BPHL: variants seen among roughly 807,000 people sequenced by gnomAD.
The protein encoded by BPHL is serine hydrolase BPHL.
In BPHL, 27 loss-of-function variants were observed where a neutral mutation model predicts 31.2. The ratio of observed to expected loss-of-function variants is 0.87; its 90% CI spans 0.64 to 1.19. The LOEUF is 1.19. Ranked by LOEUF, BPHL falls within the 50% of genes most tolerant of loss-of-function variation. The pLI, the probability that BPHL is intolerant of heterozygous loss-of-function variation, is 0.00. For synonymous variants in BPHL, 150 were observed against 146.8 expected (o/e 1.02, Z -0.16); for missense variants, 356 against 375.7 (o/e 0.95, Z 0.43).
intron 2 of BPHL, among the ~76,000 whole-genome samples, chr6:3,124,537 A>G (rs1354039901): frequency 6.6e-6 from 1 of 152,130 alleles, no homozygotes; most frequent in African/African-American, 2.4e-5. Context: ...AAATAGCTCA[A>G]TGTTTGCATG....
Position 3,118,747 on chromosome 6 carries a change from G to A in BPHL, c.7G>A (p.Ala3Thr). The change falls in exon 1 of 7, where the codon GCT becomes ACT. Residue 3 changes from alanine (A) to threonine (T), a missense_variant. Physicochemically the swap from Ala to Thr is moderately conservative, Grantham distance 58. Transcript: ENST00000380379. MV[A>T]VLGGRGVLRL... Reference sequence around the variant, plus strand: ...AGCTACGCGACCTGTGACCATGGTGGCTGTGCTGGGCGGCCGGGGCGTGTT... The same window carrying A: ...AGCTACGCGACCTGTGACCATGGTGACTGTGCTGGGCGGCCGGGGCGTGTT... 1 of 1,260,274 alleles carries A rather than the reference G, an allele frequency of 7.9e-7. No homozygotes were observed. Among genetic ancestry groups the A allele is most frequent in the Non-Finnish European group, 1.0e-6 (1 of 998,678 alleles). 78.1% of individuals were successfully genotyped at this position (1,260,274 alleles called of 1,614,324 possible).
At chr6:3,130,849 A>T (rs1197361845) in intron 4 of BPHL, among the ~76,000 whole-genome samples, 1 of 152,156 alleles carries the variant, frequency 6.6e-6, no homozygotes, top group Non-Finnish European at 1.5e-5. Flanking sequence ...TGTTTTTTAA[A>T]TGAATATGAA....
chr6:3,141,889 G>T (rs997060952), intron 6 of BPHL, among the ~76,000 whole-genome samples: 1 of 151,840 alleles, frequency 6.6e-6, no homozygotes, highest in South Asian at 2.1e-4. Flanking sequence ...CAGGAGAATC[G>T]CTTGAACCTG....
intron 4 of BPHL, among the ~76,000 whole-genome samples, chr6:3,129,638 C>T (rs1761814225): frequency 6.6e-6 from 1 of 152,094 alleles, no homozygotes; most frequent in Non-Finnish European, 1.5e-5. Context: ...TGTGCCACTG[C>T]ACTTTTGCCT....
Position 3,153,149 on chromosome 6 carries a change from C to T in BPHL, c.*574C>T, listed in dbSNP as rs3088000. 0.084 allele frequency: 12,873 copies of T among 152,428 alleles called. 788 individuals carry two copies. Among genetic ancestry groups the T allele is most frequent in the African/African-American group, 0.17 (6,885 of 41,500 alleles). 9.4% of individuals were successfully genotyped at this position (152,428 alleles called of 1,614,324 possible). ...GTGACAAGTTATACCATTGTCTTAA[C>T]AGGTGAATTCCTGCCATAATTTATT... On this transcript the variant is annotated 3_prime_UTR_variant, in exon 7 of 7. Coordinates refer to ENST00000380379, the MANE Select transcript of BPHL (RefSeq NM_004332.4).
Position 3,140,257 on chromosome 6 carries a change from TC to T in BPHL, c.665-127del, listed in dbSNP as rs1762134699. 8.0e-7 allele frequency: 1 copy of T among 1,244,216 alleles called. No homozygotes were observed. Among genetic ancestry groups the T allele is most frequent in the East Asian group, 2.5e-5 (1 of 40,204 alleles). 77.1% of individuals were successfully genotyped at this position (1,244,216 alleles called of 1,614,324 possible). Reference sequence around the variant, plus strand: ...GGAAGGAATCCCAGGCACGGTCAAATCCAAAACACAGTTTTTACGGATAGGG... The same window carrying T: ...GGAAGGAATCCCAGGCACGGTCAAATCAAAACACAGTTTTTACGGATAGGG... On this transcript the variant is annotated intron_variant, in intron 5 of 6. Coordinates refer to ENST00000380379, the MANE Select transcript of BPHL (RefSeq NM_004332.4). This position sits in a 1 kb window ranked among gnomAD's most constrained non-coding sequence, Gnocchi z 5.2.
In BPHL at chr6:3,152,686, T is replaced by A; in HGVS notation, c.*111T>A. The A allele has an allele frequency of 1.1e-6, 1 of 915,902 alleles. No individual in the cohort carries two copies. Among genetic ancestry groups the A allele is most frequent in the Non-Finnish European group, 1.7e-6 (1 of 594,890 alleles). The allele number at this position is 915,902 out of a possible 1,614,324, so 56.7% of individuals were successfully genotyped here. On this transcript the variant is annotated 3_prime_UTR_variant, in exon 7 of 7. Coordinates refer to ENST00000380379, the MANE Select transcript of BPHL (RefSeq NM_004332.4). ...GCCTTTGAAACTTTCTACCCCTCCC[T>A]TCAATCTTATCCTAACCAAATGAGA...
At chr6:3,152,060 C>G (rs569185118) in intron 6 of BPHL, among the ~76,000 whole-genome samples, 116 of 152,354 alleles carry the variant, frequency 7.6e-4, no homozygotes, top group Non-Finnish European at 1.4e-3. Context: ...CGCCAAGAAA[C>G]TCACCTGCCC....
In BPHL at chr6:3,140,510, G is replaced by T. The variant is rs767488123; in HGVS notation, c.788+1G>T. The T allele has an allele frequency of 3.0e-5, 49 of 1,613,926 alleles. 2 individuals carry two copies. The South Asian group carries it at 5.4e-4, about 18-fold the overall frequency. On this transcript the variant is annotated splice_donor_variant, in intron 6 of 6. Coordinates refer to ENST00000380379, the MANE Select transcript of BPHL (RefSeq NM_004332.4). LOFTEE classifies it high-confidence loss of function. This position sits in a 1 kb window ranked among gnomAD's most constrained non-coding sequence, Gnocchi z 5.2. ...TTCATAAGCACGTGAAAGGCTCACGGTAAGTCCTGTCACCGCCTTCACACT... is the reference window on the plus strand; with the variant it reads ...TTCATAAGCACGTGAAAGGCTCACGTTAAGTCCTGTCACCGCCTTCACACT...
At chr6:3,135,954 G>A (rs762576366) in intron 4 of BPHL, among the ~76,000 whole-genome samples, 7 of 152,146 alleles carry the variant, frequency 4.6e-5, no homozygotes, top group South Asian at 2.1e-4. Flanking sequence ...GTTGGGCCCC[G>A]GCCTGCCTGC....
In BPHL at chr6:3,149,943, T is replaced by C. The variant is rs551957365; in HGVS notation, c.789-2545T>C. The C allele has an allele frequency of 1.3e-5, 2 of 152,268 alleles. No homozygotes were observed. Among genetic ancestry groups the C allele is most frequent in the Non-Finnish European group, 2.9e-5 (2 of 68,016 alleles). 9.4% of individuals were successfully genotyped at this position (152,268 alleles called of 1,614,324 possible). ...CGTGCCCAGTCTAGTACCTTTTTCT[T>C]AGGTGGGGCTTTCTAGAAGAAGCAG... On this transcript the variant is annotated intron_variant, in intron 6 of 6. Transcript: ENST00000380379. This position sits in a 1 kb window ranked among gnomAD's most constrained non-coding sequence, Gnocchi z 4.6.
intron 6 of BPHL, among the ~76,000 whole-genome samples, chr6:3,143,183 A>G (rs1762226559): frequency 1.3e-5 from 2 of 152,202 alleles, no homozygotes; most frequent in South Asian, 4.1e-4. Context: ...ACGCCACTGC[A>G]CTCCAGCCCG....
At chr6:3,142,545 T>C (rs1762209561) in intron 6 of BPHL, among the ~76,000 whole-genome samples, 1 of 152,202 alleles carries the variant, frequency 6.6e-6, no homozygotes, top group Admixed American at 6.5e-5. Context: ...CTAGTTATAG[T>C]TTATGACATA....
chr6:3,119,458 T>C, intron 1 of BPHL: 3 of 1,613,408 alleles, frequency 1.9e-6, no homozygotes, highest in Non-Finnish European at 2.5e-6. Flanking sequence ...TGTGTGGAGA[T>C]GCCCAGGAAT....
intron 3 of BPHL, 149 bp from the exon 4 acceptor site, chr6:3,128,896 T>C: frequency 8.5e-7 from 1 of 1,175,792 alleles, no homozygotes; most frequent in South Asian, 1.3e-5. Flanking sequence ...AAACATGATG[T>C]CATCAAATGG....
chr6:3,137,619 A>G lies in BPHL; in HGVS notation c.664+126A>G, dbSNP rs191500958. On this transcript the variant is annotated intron_variant, in intron 5 of 6. Transcript: ENST00000380379. ...CGCCCTCACACGCTCATGTGTGAGC[A>G]GAACAGAGAATACTAGTTCTTGTGT... is the stretch of plus-strand genomic sequence containing the variant. The G allele has an allele frequency of 2.0e-5, 27 of 1,345,780 alleles. No individual in the cohort carries two copies. In the African/African-American group the frequency reaches 3.5e-4, roughly 17 times the overall value. The allele number at this position is 1,345,780 out of a possible 1,614,324, so 83.4% of individuals were successfully genotyped here. A position where few individuals can be genotyped will look rare whatever the true frequency, so the allele number is the denominator to read the frequency against.
intron 6 of BPHL, among the ~76,000 whole-genome samples, chr6:3,143,318 A>C (rs1267641810): frequency 6.6e-6 from 1 of 152,220 alleles, no homozygotes; most frequent in African/African-American, 2.4e-5. Context: ...CAAACACCAA[A>C]CTGCCTTTCT....
At position 3,140,145 on chromosome 6, in the gene BPHL, T is replaced by C. The variant is rs1022739593; in HGVS notation, c.665-241T>C. ...TATTTTATGCGAATTTAAATCAGGC[T>C]GCTTATTTACTAGTAGAACTCAGAA... On this transcript the variant is annotated intron_variant, in intron 5 of 6. Coordinates refer to ENST00000380379, the MANE Select transcript of BPHL (RefSeq NM_004332.4). This position sits in a 1 kb window ranked among gnomAD's most constrained non-coding sequence, Gnocchi z 5.2. 1.9e-6 allele frequency: 1 copy of C among 523,266 alleles called. No homozygotes were observed. The highest frequency in any genetic ancestry group is 1.9e-5 in the African/African-American group (1 of 51,940). 32.4% of individuals were successfully genotyped at this position (523,266 alleles called of 1,614,324 possible).
Position 3,140,244 on chromosome 6 carries a change from A to G in BPHL, c.665-142A>G. 9.8e-7 allele frequency: 1 copy of G among 1,023,388 alleles called. No homozygotes were observed. The highest frequency in any genetic ancestry group is 1.4e-6 in the Non-Finnish European group (1 of 714,776). 63.4% of individuals were successfully genotyped at this position (1,023,388 alleles called of 1,614,324 possible). ...GAATGTTAGAGCTGGAAGGAATCCC[A>G]GGCACGGTCAAATCCAAAACACAGT... is the stretch of plus-strand genomic sequence containing the variant. On this transcript the variant is annotated intron_variant, in intron 5 of 6. Transcript: ENST00000380379. This position sits in a 1 kb window ranked among gnomAD's most constrained non-coding sequence, Gnocchi z 5.2.
Sources: allele counts gnomAD v4.1 joint callset (sites outside exome capture counted in the v4.1 genomes callset), GRCh38; gene constraint gnomAD v4.1.1; non-coding constraint Gnocchi (gnomAD v3.1); transcripts MANE v1.5; gene names NCBI Gene and HGNC (gene_info 2026-07-23, HGNC 2026-07-21).